Variants in LPP observed in about 807,000 individuals in gnomAD.
LPP encodes the protein LIM domain containing preferred translocation partner in lipoma.
Under a neutral mutation model 60.4 loss-of-function variants are expected in LPP, and 38 were observed. The ratio of observed to expected loss-of-function variants is 0.63; its 90% CI spans 0.49 to 0.83. The LOEUF is 0.83. Among genes scored for constraint, LPP ranks in the 40% least tolerant of loss-of-function variants. The probability of loss-of-function intolerance (pLI) is 0.00; values close to 1 mark genes in which losing one functional copy is unlikely to be tolerated. For synonymous variants in LPP, 328 were observed against 290.8 expected (o/e 1.13, Z -1.30); for missense variants, 902 against 783.6 (o/e 1.15, Z -1.80).
intron 7 of LPP, among the ~76,000 whole-genome samples, chr3:188,660,665 T>TGTG (rs1854373964): frequency 2.0e-5 from 3 of 152,060 alleles, no homozygotes; most frequent in East Asian, 3.9e-4. Flanking sequence ...TGTGTGTGTG[T>TGTG]GTTTTAAATA....
rs1799236891 is a variant in LPP, at chr3:188,462,544, T to TATATA, written c.194-22048_194-22047insATATA. ...TAAATTTAGCCAATTTATATGAGCTTTATATATATATATATATATATATAT... is the reference window on the plus strand; with the variant it reads ...TAAATTTAGCCAATTTATATGAGCTTATATATATATATATATATATATATATATAT... On this transcript the variant is annotated intron_variant, in intron 4 of 11. Transcript: ENST00000617246. Among the ~76,000 whole-genome samples the TATATA allele has an allele frequency of 2.3e-4, 8 of 34,186 alleles. 2 individuals carry two copies. Among genetic ancestry groups the TATATA allele is most frequent in the African/African-American group, 6.3e-4 (8 of 12,782 alleles). The allele number at this position is 34,186 out of a possible 152,430, so 22.4% of individuals were successfully genotyped here.
chr3:188,641,032 C>A (rs1303899267), intron 7 of LPP, among the ~76,000 whole-genome samples: 1 of 152,196 alleles, frequency 6.6e-6, no homozygotes. Context: ...TGTTCCAAAT[C>A]TCTCCAATCA....
At chr3:188,278,791 T>C (rs2149885047) in intron 2 of LPP, among the ~76,000 whole-genome samples, 1 of 152,210 alleles carries the variant, frequency 6.6e-6, no homozygotes, top group Admixed American at 6.5e-5. Context: ...GGCGTGTCCT[T>C]TGCATCTTCT....
intron 7 of LPP, among the ~76,000 whole-genome samples, chr3:188,692,183 A>G (rs555132429): frequency 1.3e-5 from 2 of 152,306 alleles, no homozygotes; most frequent in African/African-American, 4.8e-5. Context: ...TTCAGCCTCT[A>G]TAGAGCCTGC....
intron 7 of LPP, among the ~76,000 whole-genome samples, chr3:188,618,429 C>A (rs1272702351): frequency 6.6e-6 from 1 of 152,214 alleles, no homozygotes; most frequent in Non-Finnish European, 1.5e-5. Flanking sequence ...TCAGAGGCAA[C>A]TTCTTTAGTA....
rs113777251 is a variant in LPP at position 188,656,870 on chromosome 3, G to C, written c.1113+47026G>C. ...GAGATGAGGAAACAGGATTAGAGAAGGGACCAGCTCACAGTCACAGGACTA... is the reference window on the plus strand; with the variant it reads ...GAGATGAGGAAACAGGATTAGAGAACGGACCAGCTCACAGTCACAGGACTA... On this transcript the variant is annotated intron_variant, in intron 7 of 11. Transcript: ENST00000617246. 4.9e-3 allele frequency among the ~76,000 whole-genome samples: 740 copies of C among 152,210 alleles called. 13 individuals carry two copies. The highest frequency in any genetic ancestry group is 0.017 in the African/African-American group (688 of 41,540).
intron 8 of LPP, among the ~76,000 whole-genome samples, chr3:188,758,088 C>A (rs947035429): frequency 7.2e-5 from 11 of 151,980 alleles, no homozygotes; most frequent in African/African-American, 2.7e-4. Flanking sequence ...ACTGTGGTAT[C>A]AAGACTTTAT....
intron 7 of LPP, among the ~76,000 whole-genome samples, chr3:188,680,818 A>T (rs1021738134): frequency 6.6e-6 from 1 of 152,112 alleles, no homozygotes; most frequent in African/African-American, 2.4e-5. Context: ...AAACTTTGAA[A>T]TCTGGGAAAG....
At position 188,609,788 on chromosome 3, in the gene LPP, A is replaced by G. The variant is rs758751880; in HGVS notation, c.1057A>G (p.Lys353Glu). The change falls in exon 7 of 12, where the codon AAG becomes GAG. Residue 353 changes from lysine (K) to glutamate (E), a missense_variant. Coordinates refer to ENST00000617246, the MANE Select transcript of LPP (RefSeq NM_001375462.1). The surrounding 1 kb of genome is among the most constrained non-coding windows in gnomAD (Gnocchi z 6.9). ...PGMYPVTGPK[K>E]TYITDPVSAP... ...GATGTATCCAGTCACTGGTCCCAAG[A>G]AGACCTATATCACAGATCCTGTTTC... The G allele has an allele frequency of 3.1e-6, 5 of 1,613,872 alleles. No homozygotes were observed. The African/African-American group carries it at 6.7e-5, about 22-fold the overall frequency.
intron 2 of LPP, among the ~76,000 whole-genome samples, chr3:188,255,555 G>A (rs1368894292): frequency 6.6e-6 from 1 of 152,174 alleles, no homozygotes; most frequent in Admixed American, 6.5e-5. Context: ...TGTGAACATT[G>A]TAATGGTTAG....
chr3:188,829,500 C>T (rs1006643968), intron 9 of LPP, among the ~76,000 whole-genome samples: 8 of 152,180 alleles, frequency 5.3e-5, no homozygotes, highest in African/African-American at 1.9e-4. Context: ...AAATGTTTAA[C>T]ACTTTGCAGT....
At chr3:188,312,103 C>CT (rs1753647766) in intron 2 of LPP, among the ~76,000 whole-genome samples, 1 of 151,864 alleles carries the variant, frequency 6.6e-6, no homozygotes, top group African/African-American at 2.4e-5. Flanking sequence ...TTTATATATC[C>CT]TTTTAGAAAT....
At position 188,512,558 on chromosome 3, in the gene LPP, T is replaced by TATAAATAAATAAATAAATAA. The variant is rs10663448; in HGVS notation, c.307-12089_307-12070dup. Among the ~76,000 whole-genome samples, 93 of 140,650 alleles carry TATAAATAAATAAATAAATAA rather than the reference T, an allele frequency of 6.6e-4. 1 individual carries two copies. Among genetic ancestry groups the TATAAATAAATAAATAAATAA allele is most frequent in the African/African-American group, 6.4e-4 (24 of 37,686 alleles). The allele number at this position is 140,650 out of a possible 152,430, so 92.3% of individuals were successfully genotyped here. Reference sequence around the variant, plus strand: ...TGGGCAACAAGAGCAAAACCCGGTCTATAAATAAATAAATAAATAAATAAA... The same window carrying TATAAATAAATAAATAAATAA: ...TGGGCAACAAGAGCAAAACCCGGTCTATAAATAAATAAATAAATAAATAAATAAATAAATAAATAAATAAA... On this transcript the variant is annotated intron_variant, in intron 5 of 11. Coordinates refer to ENST00000617246, the MANE Select transcript of LPP (RefSeq NM_001375462.1).
At chr3:188,567,677 G>C (rs529960340) in intron 6 of LPP, among the ~76,000 whole-genome samples, 1 of 152,026 alleles carries the variant, frequency 6.6e-6, no homozygotes, top group East Asian at 1.9e-4. Context: ...CTATGAAGCA[G>C]ATATACTTAT....
At chr3:188,859,802 G>A (rs1764745692) in intron 9 of LPP, among the ~76,000 whole-genome samples, 1 of 152,118 alleles carries the variant, frequency 6.6e-6, no homozygotes. Context: ...CATCTTCAGG[G>A]GTAGGGGGGT....
chr3:188,801,171 G>A (rs545513670), intron 9 of LPP, among the ~76,000 whole-genome samples: 1 of 152,242 alleles, frequency 6.6e-6, no homozygotes, highest in Middle Eastern at 3.4e-3. Flanking sequence ...CATTGCCATG[G>A]AATGAAGAGC....
chr3:188,457,738 A>AT (rs60659639), intron 4 of LPP, among the ~76,000 whole-genome samples: 15,748 of 55,214 alleles, frequency 0.29, 1,805 homozygotes, highest in East Asian at 0.42. Context: ...TAAAAAAAAA[A>AT]AATATATATA....
chr3:188,490,764 T>TTTTTTTTTTTTG, intron 5 of LPP, among the ~76,000 whole-genome samples: 1 of 144,266 alleles, frequency 6.9e-6, no homozygotes, highest in Non-Finnish European at 1.5e-5. Flanking sequence ...TTTTTTTTTT[T>TTTTTTTTTTTTG]TTTTTTTTGG....
chr3:188,352,815 C>T lies in LPP; in HGVS notation c.-10+11096C>T, dbSNP rs115740572. On this transcript the variant is annotated intron_variant, in intron 3 of 11. Transcript: ENST00000617246. The surrounding 1 kb of genome is among the most constrained non-coding windows in gnomAD (Gnocchi z 4.4). ...GGAGTGGGCAGAGAAGGTGAAGACACGGAGAGTAACTCAGTGCAGAGGCAG... is the reference window on the plus strand; with the variant it reads ...GGAGTGGGCAGAGAAGGTGAAGACATGGAGAGTAACTCAGTGCAGAGGCAG... Among the ~76,000 whole-genome samples the T allele has an allele frequency of 0.037, 5,616 of 152,194 alleles. 146 individuals carry two copies. Among genetic ancestry groups the T allele is most frequent in the Non-Finnish European group, 0.061 (4,133 of 68,012 alleles).
Sources: gnomAD v4.1 joint callset for allele counts (sites outside exome capture counted in the v4.1 genomes callset) on GRCh38, gnomAD v4.1.1 for gene constraint, Gnocchi (gnomAD v3.1) non-coding constraint, MANE v1.5 for transcripts, NCBI Gene and HGNC (gene_info 2026-07-23, HGNC 2026-07-21) for gene names.